The following GNE variants were observed in gnomAD, a reference collection of about 807,000 sequenced individuals.
GNE encodes the protein bifunctional UDP-N-acetylglucosamine 2-epimerase/N-acetylmannosamine kinase.
GNE carries 41 observed loss-of-function variants against 61.8 expected under a neutral mutation model. The observed-to-expected ratio is 0.66, with a 90% CI of 0.52 to 0.86. The LOEUF (loss-of-function observed/expected upper bound fraction) is 0.86. GNE is among the 40% of genes least tolerant of loss of function. GNE has a pLI of 0.00. For missense variants in GNE, 608 were observed against 909.1 expected, an observed-to-expected ratio of 0.67 and a Z score of 4.26; for synonymous variants, 264 against 326.4, an observed-to-expected ratio of 0.81 and a Z score of 2.06.
Position 36,218,279 on chromosome 9 carries a change from C to T in GNE, c.1837G>A (p.Gly613Arg). Residue 613 changes from glycine to arginine, a missense_variant, in exon 11 of 12, where the codon GGG becomes AGG. Transcript: ENST00000642385. This position sits in a 1 kb window ranked among gnomAD's most constrained non-coding sequence, Gnocchi z 4.1. ...LHDEDLLLVEGMSVPKDEAVG... is the reference protein window; with the variant it reads ...LHDEDLLLVERMSVPKDEAVG... ...GCCTCATCTTTTGGCACTGACATCC[C>T]TTCCACCAAGAGCAGGTCCTCTGAA... 6.2e-7 allele frequency: 1 copy of T among 1,613,946 alleles called. No homozygotes were observed. Among genetic ancestry groups the T allele is most frequent in the Non-Finnish European group, 8.5e-7 (1 of 1,179,836 alleles).
intron 1 of GNE, among the ~76,000 whole-genome samples, chr9:36,267,322 C>G (rs1830840436): frequency 6.6e-6 from 1 of 152,198 alleles, no homozygotes; most frequent in African/African-American, 2.4e-5. Flanking sequence ...CCCTATGCTC[C>G]TTTGCCAATC....
intron 1 of GNE, among the ~76,000 whole-genome samples, chr9:36,267,241 T>A (rs912822827): frequency 3.3e-5 from 5 of 152,226 alleles, no homozygotes; most frequent in Admixed American, 2.0e-4. Flanking sequence ...TCACTATTTG[T>A]AGCCCCAATT....
intron 1 of GNE, among the ~76,000 whole-genome samples, chr9:36,256,700 C>G (rs1289620167): frequency 2.0e-5 from 3 of 152,132 alleles, no homozygotes; most frequent in Non-Finnish European, 4.4e-5. Flanking sequence ...TTAAGGCTAT[C>G]AAATAAAAAT....
chr9:36,274,686 A>AGCATGACTTCAACCACTTGCATG (rs1831189787), intron 1 of GNE, among the ~76,000 whole-genome samples: 1 of 151,520 alleles, frequency 6.6e-6, no homozygotes, highest in Admixed American at 6.6e-5. Flanking sequence ...GTGTATCTCC[A>AGCATGACTTCAACCACTTGCATG]GCATGACTTC....
At chr9:36,265,547 C>T in intron 1 of GNE, 1 of 446,058 alleles carries the variant, frequency 2.2e-6, no homozygotes, top group African/African-American at 2.0e-5. Flanking sequence ...CTGGATATTC[C>T]TGTTTAGTAA....
Position 36,249,360 on chromosome 9 carries a change from T to C in GNE, c.-5A>G. ...GTTATTTCCATTCTTCTCCATGATT[T>C]GCTTGTTTCGTTTTGAGAGGTTCTT... On this transcript the variant is annotated 5_prime_UTR_variant, in exon 2 of 12. Transcript: ENST00000642385. The C allele has an allele frequency of 1.2e-6, 2 of 1,613,390 alleles. No homozygotes were observed. Among genetic ancestry groups the C allele is most frequent in the East Asian group, 4.5e-5 (2 of 44,870 alleles).
At chr9:36,259,604 A>G (rs544123321), upstream of GNE, among the ~76,000 whole-genome samples, 1 of 152,344 alleles carries the variant, frequency 6.6e-6, no homozygotes, top group South Asian at 2.1e-4. Context: ...CACATTAGCC[A>G]CAAAAGAAAA....
chr9:36,260,868 C>CAAAAAAA (rs745821430), upstream of GNE, among the ~76,000 whole-genome samples: 24 of 96,032 alleles, frequency 2.5e-4, no homozygotes, highest in East Asian at 2.0e-3. Flanking sequence ...GACTCTATCT[C>CAAAAAAA]AAAAAAAAAA....
intron 1 of GNE, among the ~76,000 whole-genome samples, chr9:36,263,775 AAG>A: frequency 6.6e-6 from 1 of 152,354 alleles, no homozygotes; most frequent in East Asian, 1.9e-4. Flanking sequence ...CACTAAATGA[AAG>A]AGAGAAAATA....
At chr9:36,276,447 T>C (rs1479839718) in intron 1 of GNE, among the ~76,000 whole-genome samples, 1 of 152,100 alleles carries the variant, frequency 6.6e-6, no homozygotes, top group Non-Finnish European at 1.5e-5. Flanking sequence ...ACCCCAATCA[T>C]GTGATCAGTC....
chr9:36,262,391 G>A (rs1161172057), upstream of GNE, among the ~76,000 whole-genome samples: 1 of 152,084 alleles, frequency 6.6e-6, no homozygotes, highest in African/African-American at 2.4e-5. Context: ...TTGCAGCAAG[G>A]ACCCTTAGGA....
At chr9:36,249,984 G>T (rs114274051) in intron 1 of GNE, among the ~76,000 whole-genome samples, 1 of 152,014 alleles carries the variant, frequency 6.6e-6, no homozygotes, top group African/African-American at 2.4e-5. Context: ...AAGAAGGAGT[G>T]ATATAAATCA....
intron 4 of GNE, 41 bp downstream of exon 4, chr9:36,236,791 G>A: frequency 6.3e-7 from 1 of 1,584,888 alleles, no homozygotes; most frequent in Non-Finnish European, 8.7e-7. Context: ...CATAAAATTG[G>A]GAAAAGTAGG....
intron 1 of GNE, among the ~76,000 whole-genome samples, chr9:36,275,065 T>C (rs75785959): frequency 0.072 from 11,023 of 152,280 alleles, 432 homozygotes; most frequent in Non-Finnish European, 0.093. Flanking sequence ...TGTGAATTTC[T>C]ATCCCAGTCT....
rs1828344186 is a variant in GNE, at chr9:36,217,038, GGTATTAATACATTAGT to G, written c.*311_*326del. On this transcript the variant is annotated 3_prime_UTR_variant, in exon 12 of 12. Transcript: ENST00000642385. ...CCAGGCAAGGCCTGAAGGTCTCAGT[GGTATTAATACATTAGT>G]AAGCAGAGTTCTAAGAAGGCTTCCT... 1 of 380,996 alleles carries G rather than the reference GGTATTAATACATTAGT, an allele frequency of 2.6e-6. No homozygotes were observed. The highest frequency in any genetic ancestry group is 2.1e-5 in the African/African-American group (1 of 48,018). The allele number at this position is 380,996 out of a possible 1,614,324, so 23.6% of individuals were successfully genotyped here.
chr9:36,233,057 A>T (rs1331931638), intron 5 of GNE, among the ~76,000 whole-genome samples: 1 of 152,254 alleles, frequency 6.6e-6, no homozygotes, highest in Admixed American at 6.5e-5. Flanking sequence ...GCTAGAACTC[A>T]TCTCCTTGGT....
intron 6 of GNE, among the ~76,000 whole-genome samples, chr9:36,228,793 C>CAAAAAAAAAAAAA (rs71336431): frequency 1.4e-5 from 1 of 72,580 alleles, no homozygotes; most frequent in African/African-American, 5.0e-5. Flanking sequence ...GAGTCCATCT[C>CAAAAAAAAAAAAA]AAAAAAAAAA....
At chr9:36,262,366 T>C (rs1830639622), upstream of GNE, among the ~76,000 whole-genome samples, 1 of 152,210 alleles carries the variant, frequency 6.6e-6, no homozygotes, top group African/African-American at 2.4e-5. Context: ...TCTTCTCTGC[T>C]TTCTTGAGAT....
Position 36,222,852 on chromosome 9 carries a change from A to G in GNE, c.1558T>C (p.Cys520Arg), listed in dbSNP as rs912831036. 1 of 1,614,196 alleles carries G rather than the reference A, an allele frequency of 6.2e-7. No homozygotes were observed. Among genetic ancestry groups the G allele is most frequent in the Non-Finnish European group, 8.5e-7 (1 of 1,180,016 alleles). Reference sequence around the variant, plus strand: ...AATTTCCTTTCCGCCAGGGCAGCACAGTTGCCATCATTGTCTACCCACACA... The same window carrying G: ...AATTTCCTTTCCGCCAGGGCAGCACGGTTGCCATCATTGTCTACCCACACA... ...LPVWVDNDGN[C>R]AALAERKFGQ... The change falls in exon 9 of 12, where the codon TGT (cysteine) becomes CGT (arginine). Residue 520 changes from cysteine (C) to arginine (R), a missense_variant. Cys to Arg is a radical substitution (Grantham distance 180). Coordinates refer to ENST00000642385, the MANE Select transcript of GNE (RefSeq NM_005476.7).
Sources: gnomAD v4.1 joint callset for allele counts (sites outside exome capture counted in the v4.1 genomes callset) on GRCh38, gnomAD v4.1.1 for gene constraint, Gnocchi (gnomAD v3.1) non-coding constraint, MANE v1.5 for transcripts, NCBI Gene and HGNC (gene_info 2026-07-23, HGNC 2026-07-21) for gene names.